Variants in KCNIP4 observed in about 807,000 individuals in gnomAD.
The protein encoded by KCNIP4 is potassium voltage-gated channel interacting protein 4, also known as Kv channel-interacting protein 4.
Under a neutral mutation model 34.0 loss-of-function variants are expected in KCNIP4, and 12 were observed. That is an observed-to-expected ratio of 0.35 (90% CI 0.23 to 0.57). KCNIP4 has a LOEUF of 0.57. Ranked by LOEUF, KCNIP4 falls within the 20% of genes least tolerant of loss-of-function variation. KCNIP4 has a pLI of 0.83. For missense variants in KCNIP4, 238 were observed against 311.7 expected, an observed-to-expected ratio of 0.76 and a Z score of 1.78; for synonymous variants, 124 against 102.2, an observed-to-expected ratio of 1.21 and a Z score of -1.29.
At chr4:21,283,139 T>C (rs55963107) in intron 1 of KCNIP4, among the ~76,000 whole-genome samples, 11,592 of 152,244 alleles carry the variant, frequency 0.076, 540 homozygotes, top group South Asian at 0.17. Context: ...AAGGAAAATC[T>C]ATAAAGACGG....
chr4:21,348,740 T>C (rs1372398381), intron 1 of KCNIP4, among the ~76,000 whole-genome samples: 1 of 152,218 alleles, frequency 6.6e-6, no homozygotes, highest in African/African-American at 2.4e-5. Context: ...TACACATTTA[T>C]TGAGTTAAAA....
rs578212583 is a variant in KCNIP4, at chr4:20,911,738, C to T, written c.62-29029G>A. Among the ~76,000 whole-genome samples, 9 of 152,272 alleles carry T rather than the reference C, an allele frequency of 5.9e-5. No homozygotes were observed. The East Asian group carries it at 1.7e-3, about 29-fold the overall frequency. Reference sequence around the variant, plus strand: ...ATGGCCTTCACTCATTGGATTCACACTCTATTTTAAACCCAGAAAATACAT... The same window carrying T: ...ATGGCCTTCACTCATTGGATTCACATTCTATTTTAAACCCAGAAAATACAT... On this transcript the variant is annotated intron_variant, in intron 1 of 8. Coordinates refer to ENST00000382152, the MANE Select transcript of KCNIP4 (RefSeq NM_025221.6).
intron 1 of KCNIP4, among the ~76,000 whole-genome samples, chr4:21,474,689 C>G (rs1490073600): frequency 6.6e-6 from 1 of 151,948 alleles, no homozygotes; most frequent in Admixed American, 6.6e-5. Flanking sequence ...GAGGAGGAAA[C>G]AAGCACATTA....
Position 21,639,226 on chromosome 4 carries a change from G to T in KCNIP4, c.61+309345C>A, listed in dbSNP as rs183727783. On this transcript the variant is annotated intron_variant, in intron 1 of 8. Transcript: ENST00000382152. ...TTCTTATGCTGCCAATCAAATGAAG[G>T]CAGCAGGAAATGCAATCTATTAGAC... Among the ~76,000 whole-genome samples the T allele has an allele frequency of 3.0e-3, 455 of 152,170 alleles. 3 individuals carry two copies. The highest frequency in any genetic ancestry group is 0.011 in the African/African-American group (438 of 41,540).
intron 2 of KCNIP4, among the ~76,000 whole-genome samples, chr4:20,876,765 G>A (rs1469132855): frequency 6.6e-6 from 1 of 152,036 alleles, no homozygotes; most frequent in Non-Finnish European, 1.5e-5. Context: ...GTAGAGACAG[G>A]GTTTCACCAT....
At chr4:21,754,310 C>T (rs561433813) in intron 1 of KCNIP4, among the ~76,000 whole-genome samples, 1 of 152,288 alleles carries the variant, frequency 6.6e-6, no homozygotes, top group South Asian at 2.1e-4. Context: ...CTATACAGCC[C>T]TTACCACTAC....
intron 1 of KCNIP4, among the ~76,000 whole-genome samples, chr4:21,020,096 C>T (rs1216322759): frequency 1.3e-5 from 2 of 152,136 alleles, no homozygotes; most frequent in African/African-American, 4.8e-5. Context: ...TTTCATATCC[C>T]TAACACATGG....
intron 1 of KCNIP4, among the ~76,000 whole-genome samples, chr4:21,367,884 C>T (rs62294131): frequency 0.58 from 85,340 of 146,770 alleles, 27,254 homozygotes; most frequent in Non-Finnish European, 0.63. Context: ...GTATTTGATT[C>T]GAGATAGCAA....
chr4:20,751,868 G>A (rs531001726), intron 4 of KCNIP4, among the ~76,000 whole-genome samples: 15 of 152,140 alleles, frequency 9.9e-5, no homozygotes, highest in Admixed American at 6.5e-5. Context: ...AAGTTACAGC[G>A]GCTTCCCAGT....
chr4:21,140,771 T>G (rs1751890171), intron 1 of KCNIP4, among the ~76,000 whole-genome samples: 1 of 152,176 alleles, frequency 6.6e-6, no homozygotes, highest in African/African-American at 2.4e-5. Context: ...CCTTTCTTTC[T>G]GCAAAAGTGC....
chr4:21,589,459 A>G (rs920384692), intron 1 of KCNIP4, among the ~76,000 whole-genome samples: 1 of 151,180 alleles, frequency 6.6e-6, no homozygotes, highest in African/African-American at 2.4e-5. Context: ...CAAAAAAAGC[A>G]TATGAGGCAT....
At chr4:20,786,459 G>T (rs1341738194) in intron 3 of KCNIP4, among the ~76,000 whole-genome samples, 1 of 151,956 alleles carries the variant, frequency 6.6e-6, no homozygotes, top group Non-Finnish European at 1.5e-5. Flanking sequence ...AAAAATAAAA[G>T]CCAAAGAGGC....
At chr4:21,029,786 T>C (rs1286335921) in intron 1 of KCNIP4, among the ~76,000 whole-genome samples, 2 of 152,330 alleles carry the variant, frequency 1.3e-5, no homozygotes, top group East Asian at 1.9e-4. Context: ...TTTATGCTCC[T>C]ACACCAACTT....
intron 1 of KCNIP4, among the ~76,000 whole-genome samples, chr4:21,582,690 AC>A (rs1245537417): frequency 2.6e-5 from 4 of 152,074 alleles, no homozygotes; most frequent in African/African-American, 9.6e-5. Context: ...TTATGCAAAT[AC>A]CTTTTCAAAC....
intron 1 of KCNIP4, among the ~76,000 whole-genome samples, chr4:21,365,478 A>AAAATAAATAAATAAATAAAT (rs3048729): frequency 1.4e-4 from 19 of 132,108 alleles, no homozygotes; most frequent in Non-Finnish European, 1.9e-4. Context: ...ACTGTCTCAA[A>AAAATAAATAAATAAATAAAT]AAATAAATAA....
chr4:21,178,463 T>C (rs1477135904), intron 1 of KCNIP4, among the ~76,000 whole-genome samples: 1 of 151,736 alleles, frequency 6.6e-6, no homozygotes, highest in African/African-American at 2.4e-5. Context: ...CACATGAAGG[T>C]AGTGGATTCA....
At chr4:20,999,403 G>A (rs1192675155) in intron 1 of KCNIP4, among the ~76,000 whole-genome samples, 1 of 130,494 alleles carries the variant, frequency 7.7e-6, no homozygotes, top group Non-Finnish European at 1.6e-5. Context: ...GAGGGTTTTT[G>A]TTGTGGTGGT....
chr4:21,267,706 A>C (rs1180224894), intron 1 of KCNIP4, among the ~76,000 whole-genome samples: 2 of 142,232 alleles, frequency 1.4e-5, no homozygotes, highest in African/African-American at 5.1e-5. Flanking sequence ...AGCCCACTTG[A>C]TCGTGGTGGA....
At chr4:21,440,553 T>C (rs893789779) in intron 1 of KCNIP4, among the ~76,000 whole-genome samples, 4 of 152,214 alleles carry the variant, frequency 2.6e-5, no homozygotes, top group African/African-American at 9.6e-5. Flanking sequence ...TTCCAGTGTA[T>C]TAAAAGACAT....
Sources: allele counts gnomAD v4.1 joint callset (sites outside exome capture counted in the v4.1 genomes callset), GRCh38; gene constraint gnomAD v4.1.1; transcripts MANE v1.5; gene names NCBI Gene and HGNC (gene_info 2026-07-23, HGNC 2026-07-21).